SGCD: variants seen among roughly 807,000 people sequenced by gnomAD.
The protein encoded by SGCD is delta-sarcoglycan.
In SGCD, 18 loss-of-function variants were observed where a neutral mutation model predicts 36.6. That is an observed-to-expected ratio of 0.49 (90% CI 0.34 to 0.73). The LOEUF (loss-of-function observed/expected upper bound fraction) is 0.73. SGCD is among the 30% of genes least tolerant of loss of function. The pLI, the probability that SGCD is intolerant of heterozygous loss-of-function variation, is 0.01. For synonymous variants in SGCD, 133 were observed against 130.6 expected, an observed-to-expected ratio of 1.02 and a Z score of -0.12; for missense variants, 387 against 346.7, an observed-to-expected ratio of 1.12 and a Z score of -0.92.
intron 2 of SGCD, among the ~76,000 whole-genome samples, chr5:156,122,616 A>G (rs1762068651): frequency 1.3e-5 from 2 of 151,908 alleles, no homozygotes; most frequent in South Asian, 2.1e-4. Flanking sequence ...AGAGTGGAAG[A>G]TGAGGACGGT....
chr5:155,910,264 A>T (rs945342849), intron 1 of SGCD, among the ~76,000 whole-genome samples: 4 of 152,096 alleles, frequency 2.6e-5, no homozygotes, highest in South Asian at 2.1e-4. Flanking sequence ...CTTTTAAAAA[A>T]TTTTTCCTTT....
At chr5:156,575,604 G>A (rs769558519) in intron 4 of SGCD, among the ~76,000 whole-genome samples, 1 of 152,160 alleles carries the variant, frequency 6.6e-6, no homozygotes. Flanking sequence ...AAGTTCTATT[G>A]AGAGTCCACC....
intron 1 of SGCD, among the ~76,000 whole-genome samples, chr5:155,887,725 A>G (rs943410739): frequency 2.1e-4 from 32 of 152,336 alleles, no homozygotes; most frequent in African/African-American, 7.0e-4. Flanking sequence ...GTTATTGCCT[A>G]TCTCTGTTAA....
intron 1 of SGCD, among the ~76,000 whole-genome samples, chr5:155,990,275 A>C (rs920640593): frequency 6.6e-6 from 1 of 152,186 alleles, no homozygotes; most frequent in African/African-American, 2.4e-5. Context: ...TTTTTCCTGA[A>C]GATACAGCAA....
chr5:156,328,464 TG>T (rs1767915086), intron 1 of SGCD, among the ~76,000 whole-genome samples: 1 of 151,976 alleles, frequency 6.6e-6, no homozygotes, highest in African/African-American at 2.4e-5. Context: ...TGACAACAGG[TG>T]TGCATTTACT....
chr5:156,392,571 G>A (rs1771636451), intron 3 of SGCD, among the ~76,000 whole-genome samples: 5 of 152,218 alleles, frequency 3.3e-5, no homozygotes, highest in Admixed American at 1.3e-4. Context: ...TAGGCAGCTT[G>A]TGTTAGCTCA....
rs148176941 is a variant in SGCD, at chr5:155,913,295, G to C, written c.-282+42871G>C. On this transcript the variant is annotated intron_variant, in intron 1 of 9. Transcript: ENST00000517913. ...AAAGAGACAAGCCAGGGATTACCTT[G>C]TCTGCAAATGACTTGCATGATTTCA... 3.7e-3 allele frequency among the ~76,000 whole-genome samples: 557 copies of C among 152,278 alleles called. 5 individuals carry two copies. In the South Asian group the frequency reaches 0.044, roughly 12 times the overall value.
At chr5:156,145,253 A>G (rs1249613487) in intron 3 of SGCD, among the ~76,000 whole-genome samples, 1 of 152,068 alleles carries the variant, frequency 6.6e-6, no homozygotes, top group Non-Finnish European at 1.5e-5. Flanking sequence ...TTCATTTCCT[A>G]CTGCTCCAGC....
chr5:156,484,808 G>A (rs1051833303), intron 3 of SGCD, among the ~76,000 whole-genome samples: 1 of 152,100 alleles, frequency 6.6e-6, no homozygotes, highest in Non-Finnish European at 1.5e-5. Flanking sequence ...ATAACACATG[G>A]CCATTTATGT....
rs1049292578 is a variant in SGCD at position 156,765,486 on chromosome 5, G to A, written c.*6096G>A. On this transcript the variant is annotated 3_prime_UTR_variant, in exon 9 of 9. Transcript: ENST00000337851. ...ACCACCCCACAAAATCTTGCAAAAC[G>A]TAAGAGATTTTCCTGGATCTGAAGC... The A allele has an allele frequency of 3.3e-5, 5 of 152,120 alleles. No homozygotes were observed. Among genetic ancestry groups the A allele is most frequent in the African/African-American group, 7.2e-5 (3 of 41,434 alleles). 9.4% of individuals were successfully genotyped at this position (152,120 alleles called of 1,614,324 possible).
At chr5:155,775,406 T>C in the SGCD span, among the ~76,000 whole-genome samples, 1 of 152,010 alleles carries the variant, frequency 6.6e-6, no homozygotes, top group Non-Finnish European at 1.5e-5. Flanking sequence ...AAGAAACCCA[T>C]GAGACAGAGA....
intron 3 of SGCD, among the ~76,000 whole-genome samples, chr5:156,137,989 A>T (rs256772): frequency 0.078 from 11,826 of 152,260 alleles, 617 homozygotes; most frequent in South Asian, 0.11. Context: ...ACAAAGGTAT[A>T]CACTCATGGA....
intron 3 of SGCD, among the ~76,000 whole-genome samples, chr5:156,424,607 T>C (rs991385651): frequency 1.3e-5 from 2 of 152,124 alleles, no homozygotes; most frequent in Non-Finnish European, 2.9e-5. Flanking sequence ...AATACATTTA[T>C]TTATTGCATG....
At chr5:156,745,510 TA>T (rs1399372837) in intron 7 of SGCD, among the ~76,000 whole-genome samples, 1 of 152,004 alleles carries the variant, frequency 6.6e-6, no homozygotes, top group Admixed American at 6.6e-5. Flanking sequence ...TTCCTGCAGA[TA>T]AAAATCCAAG....
chr5:156,630,117 C>T (rs1266432301), intron 6 of SGCD, among the ~76,000 whole-genome samples: 2 of 152,162 alleles, frequency 1.3e-5, no homozygotes, highest in Non-Finnish European at 2.9e-5. Context: ...CCCGCCTCAG[C>T]CTCCCAAAAT....
At chr5:156,548,448 G>A (rs1758666758) in intron 4 of SGCD, among the ~76,000 whole-genome samples, 1 of 152,168 alleles carries the variant, frequency 6.6e-6, no homozygotes, top group South Asian at 2.1e-4. Flanking sequence ...CATCCAAAAG[G>A]AAAATTTGCT....
At chr5:156,131,377 T>A (rs1408586734) in intron 3 of SGCD, among the ~76,000 whole-genome samples, 1 of 152,216 alleles carries the variant, frequency 6.6e-6, no homozygotes, top group African/African-American at 2.4e-5. Flanking sequence ...GGGATGATTC[T>A]CATACCTACC....
At chr5:156,399,819 T>C (rs1215976951) in intron 3 of SGCD, among the ~76,000 whole-genome samples, 1 of 152,212 alleles carries the variant, frequency 6.6e-6, no homozygotes, top group Non-Finnish European at 1.5e-5. Context: ...GAAGGGATTA[T>C]GTCTGTCATA....
intron 1 of SGCD, among the ~76,000 whole-genome samples, chr5:156,053,559 A>T (rs1759976508): frequency 6.8e-6 from 1 of 146,128 alleles, no homozygotes; most frequent in African/African-American, 2.5e-5. Flanking sequence ...ACAGAACATT[A>T]AACTCCAAGT....
Sources: allele counts gnomAD v4.1 joint callset (sites outside exome capture counted in the v4.1 genomes callset), GRCh38; gene constraint gnomAD v4.1.1; transcripts MANE v1.5; gene names NCBI Gene and HGNC (gene_info 2026-07-23, HGNC 2026-07-21).